GPC6: variants seen among roughly 807,000 people sequenced by gnomAD.
The protein encoded by GPC6 is glypican-6.
In GPC6, 14 loss-of-function variants were observed where a neutral mutation model predicts 55.2. The observed-to-expected ratio is 0.25, with a 90% confidence interval of 0.17 to 0.40. The LOEUF is 0.40. Ranked by LOEUF, GPC6 falls within the 10% of genes least tolerant of loss-of-function variation. The pLI is 1.00. For synonymous variants in GPC6, 278 were observed against 259.6 expected (o/e 1.07, Z -0.68); for missense variants, 641 against 708.5 (o/e 0.90, Z 1.08).
chr13:93,919,374 T>TA (rs1183673420), intron 3 of GPC6, among the ~76,000 whole-genome samples: 1 of 152,330 alleles, frequency 6.6e-6, no homozygotes, highest in South Asian at 2.1e-4. Context: ...TTTCAATCTA[T>TA]AAAAAACACT....
intron 2 of GPC6, among the ~76,000 whole-genome samples, chr13:93,660,695 G>A (rs1018470934): frequency 3.9e-5 from 6 of 152,156 alleles, no homozygotes; most frequent in Admixed American, 3.3e-4. Context: ...TCTAGATTTG[G>A]GCTGAGGGTG....
At chr13:93,645,433 T>G (rs1231899357) in intron 2 of GPC6, among the ~76,000 whole-genome samples, 2 of 152,140 alleles carry the variant, frequency 1.3e-5, no homozygotes, top group Admixed American at 1.3e-4. Context: ...AGAACCACAG[T>G]TCCTAAAATG....
At chr13:93,761,126 T>C (rs1220631870) in intron 2 of GPC6, among the ~76,000 whole-genome samples, 3 of 152,208 alleles carry the variant, frequency 2.0e-5, no homozygotes, top group Non-Finnish European at 4.4e-5. Context: ...TTATTTTTAT[T>C]CTCTATTTTT....
At chr13:93,451,676 A>G (rs1370912519) in intron 1 of GPC6, among the ~76,000 whole-genome samples, 4 of 152,188 alleles carry the variant, frequency 2.6e-5, no homozygotes, top group Admixed American at 6.5e-5. Flanking sequence ...CTCTACAAAA[A>G]TGTTTTCCAA....
intron 4 of GPC6, among the ~76,000 whole-genome samples, chr13:94,267,740 G>A (rs1891862388): frequency 1.3e-5 from 2 of 152,158 alleles, no homozygotes; most frequent in South Asian, 4.1e-4. Context: ...GATGAGTGAG[G>A]CAATTTTGTT....
At chr13:93,530,617 A>C (rs889231836) in intron 1 of GPC6, among the ~76,000 whole-genome samples, 5 of 152,138 alleles carry the variant, frequency 3.3e-5, no homozygotes, top group African/African-American at 1.2e-4. Context: ...GTGAGAACCG[A>C]TTGTTAAAAT....
intron 4 of GPC6, among the ~76,000 whole-genome samples, chr13:94,102,902 T>A (rs1885916891): frequency 6.6e-6 from 1 of 152,226 alleles, no homozygotes; most frequent in African/African-American, 2.4e-5. Context: ...TTGTTATTAT[T>A]ATACTTTAAG....
At chr13:94,119,556 A>G (rs138852461) in intron 4 of GPC6, among the ~76,000 whole-genome samples, 274 of 152,222 alleles carry the variant, frequency 1.8e-3, no homozygotes, top group Non-Finnish European at 3.1e-3. Flanking sequence ...GACCCAGGTA[A>G]GAATCGTTTC....
chr13:93,403,452 C>T (rs1403707067), intron 1 of GPC6, among the ~76,000 whole-genome samples: 2 of 152,126 alleles, frequency 1.3e-5, no homozygotes, highest in Non-Finnish European at 1.5e-5. Flanking sequence ...CCACGGATAC[C>T]GTAGACAGCT....
intron 1 of GPC6, among the ~76,000 whole-genome samples, chr13:93,411,755 C>G (rs1876501721): frequency 6.6e-6 from 1 of 152,104 alleles, no homozygotes; most frequent in Non-Finnish European, 1.5e-5. Context: ...AATCTCAGCA[C>G]TTTGGGAGGT....
chr13:93,757,155 G>A (rs1468092397), intron 2 of GPC6, among the ~76,000 whole-genome samples: 1 of 152,124 alleles, frequency 6.6e-6, no homozygotes, highest in Non-Finnish European at 1.5e-5. Flanking sequence ...CTTAATGCCA[G>A]CCCTCTGTTT....
chr13:93,261,885 C>G (rs1201453290), intron 1 of GPC6, among the ~76,000 whole-genome samples: 1 of 151,654 alleles, frequency 6.6e-6, no homozygotes, highest in Non-Finnish European at 1.5e-5. Context: ...TAACTTTAGA[C>G]TTTCTGGCAT....
chr13:93,451,561 C>T (rs1394140543), intron 1 of GPC6, among the ~76,000 whole-genome samples: 1 of 152,170 alleles, frequency 6.6e-6, no homozygotes, highest in African/African-American at 2.4e-5. Flanking sequence ...CCATCATGCC[C>T]GTTCATGTAC....
rs115070014 is a variant in GPC6 at position 94,016,323 on chromosome 13, A to G, written c.712-11406A>G. Among the ~76,000 whole-genome samples, 703 of 152,304 alleles carry G rather than the reference A, an allele frequency of 4.6e-3. 7 individuals are homozygous for G. Among genetic ancestry groups the G allele is most frequent in the African/African-American group, 0.016 (682 of 41,564 alleles). ...ATGTTTGTACCTCTTAGCTATTTGA[A>G]TAATGTTTCAGTGAATGAGAATCTA... On this transcript the variant is annotated intron_variant, in intron 3 of 8. Transcript: ENST00000377047.
intron 4 of GPC6, among the ~76,000 whole-genome samples, chr13:94,225,092 G>C (rs1348758526): frequency 6.6e-6 from 1 of 152,108 alleles, no homozygotes; most frequent in Non-Finnish European, 1.5e-5. Context: ...TTTTCAGTCA[G>C]AATTGTGTAA....
intron 1 of GPC6, among the ~76,000 whole-genome samples, chr13:93,260,530 G>A (rs1336298182): frequency 1.3e-5 from 2 of 152,034 alleles, no homozygotes; most frequent in Non-Finnish European, 2.9e-5. Context: ...GTGAATGTCT[G>A]TTTTAATTGT....
chr13:93,555,375 A>G (rs1489796076), intron 2 of GPC6, among the ~76,000 whole-genome samples: 1 of 152,208 alleles, frequency 6.6e-6, no homozygotes, highest in African/African-American at 2.4e-5. Flanking sequence ...CTGACTTAAT[A>G]TGAAGTATAT....
At chr13:93,564,929 G>A (rs1202576315) in intron 2 of GPC6, among the ~76,000 whole-genome samples, 1 of 151,966 alleles carries the variant, frequency 6.6e-6, no homozygotes. Context: ...CCTTTTCTGT[G>A]CCGTTTCAAA....
chr13:94,307,513 A>G (rs968219438), intron 6 of GPC6, among the ~76,000 whole-genome samples: 5 of 152,108 alleles, frequency 3.3e-5, no homozygotes, highest in Non-Finnish European at 7.4e-5. Flanking sequence ...TGGTTTTGCC[A>G]TGTTGTCCAG....
Sources: gnomAD v4.1 joint callset for allele counts (sites outside exome capture counted in the v4.1 genomes callset) on GRCh38, gnomAD v4.1.1 for gene constraint, MANE v1.5 for transcripts, NCBI Gene and HGNC (gene_info 2026-07-23, HGNC 2026-07-21) for gene names.